The following BRD4 variants were observed in gnomAD, a reference collection of about 807,000 sequenced individuals.
BRD4 encodes the protein bromodomain containing 4, also known as bromodomain-containing protein 4.
A neutral mutation model predicts 142.1 loss-of-function variants in BRD4; 16 were observed. That is an observed-to-expected ratio of 0.11 (90% CI 0.08 to 0.17). BRD4 has a LOEUF of 0.17. Ranked by LOEUF, BRD4 falls within the 10% of genes least tolerant of loss-of-function variation. BRD4 has a pLI of 1.00. For missense variants in BRD4, 1,424 were observed against 1,810.9 expected, an observed-to-expected ratio of 0.79 and a Z score of 3.88; for synonymous variants, 833 against 707.5, an observed-to-expected ratio of 1.18 and a Z score of -2.82.
chr19:15,329,795 G>A (rs1599538486), intron 1 of BRD4, among the ~76,000 whole-genome samples: 1 of 152,134 alleles, frequency 6.6e-6, no homozygotes. Flanking sequence ...TAAATCTGAA[G>A]TCATTCAATA....
At position 15,239,762 on chromosome 19, in the gene BRD4, C is replaced by T. The variant is rs201100073; in HGVS notation, c.3342G>A (p.Lys1114=). The T allele has an allele frequency of 9.9e-6, 16 of 1,610,904 alleles. No homozygotes were observed. Among genetic ancestry groups the T allele is most frequent in the Non-Finnish European group, 1.3e-5 (15 of 1,179,718 alleles). Residue 1114 remains lysine (K), a synonymous_variant, in exon 16 of 20, where the codon AAG becomes AAA. Coordinates refer to ENST00000679869, the MANE Select transcript of BRD4 (RefSeq NM_001379291.1). The surrounding 1 kb of genome is among the most constrained non-coding windows in gnomAD (Gnocchi z 7.4). ...CGCTGCGGATGATGGGTGAGTGGAT[C>T]TTCTCCTCCTTCACCACCACGAGGG... ...PQPLVVVKEE[K]IHSPIIRSEP... is the part of the protein sequence containing the mutation.
Position 15,265,448 on chromosome 19 carries a change from G to T in BRD4, c.755C>A (p.Pro252Gln). ...TGGGGGTTGTGGCTGGGGGGGCACT[G>T]GCGGGGGCGTCTGCAGTGGCTGGGG... ...VPPQPLQTPP[P>Q]VPPQPQPPPA... Residue 252 changes from proline to glutamine, a missense_variant, in exon 5 of 20, where the codon CCA becomes CAA. Physicochemically the swap from Pro to Gln is moderately conservative, Grantham distance 76. Transcript: ENST00000679869. The T allele has an allele frequency of 6.4e-7, 1 of 1,569,348 alleles. No homozygotes were observed. Among genetic ancestry groups the T allele is most frequent in the South Asian group, 1.2e-5 (1 of 84,054 alleles).
At chr19:15,254,805 C>T (rs1031755747) in intron 10 of BRD4, among the ~76,000 whole-genome samples, 1 of 152,118 alleles carries the variant, frequency 6.6e-6, no homozygotes, top group Admixed American at 6.5e-5. Context: ...TGACACCGAT[C>T]CTCAGAGGAA....
rs199654568 is a variant in BRD4, at chr19:15,268,993, T to G, written c.335A>C (p.Lys112Thr). 6.2e-7 allele frequency: 1 copy of G among 1,614,236 alleles called. No homozygotes were observed. The highest frequency in any genetic ancestry group is 8.5e-7 in the Non-Finnish European group (1 of 1,180,034). The change falls in exon 3 of 20, where the codon AAG becomes ACG. Residue 112 changes from lysine to threonine, a missense_variant. By Grantham distance (78) the Lys-to-Thr change is moderately conservative (BLOSUM62 -1). This residue lies in a region of BRD4 where 55 missense variants were observed against 160.7 expected (regional missense o/e 0.34). Coordinates refer to ENST00000679869, the MANE Select transcript of BRD4 (RefSeq NM_001379291.1). ...KTPMDMGTIK[K>T]RLENNYYWNA... ...CCAGTAATAGTTGTTTTCCAAGCGCTTCTTTATTGTTCCCATATCCATAGG... is the reference window on the plus strand; with the variant it reads ...CCAGTAATAGTTGTTTTCCAAGCGCGTCTTTATTGTTCCCATATCCATAGG...
intron 10 of BRD4, 98 bp downstream of exon 10, chr19:15,255,199 A>AGGG (rs71333363): frequency 2.3e-4 from 249 of 1,070,032 alleles, no homozygotes; most frequent in African/African-American, 2.1e-3. Context: ...GAAAAAAAAA[A>AGGG]GGGGGGGGGC....
intron 1 of BRD4, among the ~76,000 whole-genome samples, chr19:15,320,045 G>C (rs993120368): frequency 6.6e-6 from 1 of 152,128 alleles, no homozygotes; most frequent in African/African-American, 2.4e-5. Context: ...CTGGTCTTTA[G>C]AGTTCAATGT....
chr19:15,283,811 C>G (rs2047722006), intron 1 of BRD4, among the ~76,000 whole-genome samples: 1 of 152,170 alleles, frequency 6.6e-6, no homozygotes, highest in African/African-American at 2.4e-5. Flanking sequence ...TCAAGGTGTC[C>G]CTGGAACCTG....
intron 1 of BRD4, among the ~76,000 whole-genome samples, chr19:15,276,949 G>A (rs921445123): frequency 3.3e-5 from 5 of 152,214 alleles, no homozygotes; most frequent in Non-Finnish European, 5.9e-5. Context: ...AGAAGGGACA[G>A]AGAATGAGAC....
chr19:15,331,536 G>A (rs1436796195), intron 1 of BRD4, among the ~76,000 whole-genome samples: 1 of 152,186 alleles, frequency 6.6e-6, no homozygotes. Context: ...TGCGTCAAGC[G>A]GGCCAAGCTC....
chr19:15,239,080 C>A lies in BRD4; in HGVS notation c.3761G>T (p.Arg1254Leu). 2 of 1,601,212 alleles carry A rather than the reference C, an allele frequency of 1.2e-6. No homozygotes were observed. Among genetic ancestry groups the A allele is most frequent in the Admixed American group, 1.7e-5 (1 of 59,664 alleles). ...QAEHAEKEKE[R>L]LRQERMRSRE... ...CCACCTCATGCGCTCCTGCCGCAGC[C>A]GCTCCTTCTCCTTCTCAGCGTGCTC... Residue 1254 changes from arginine to leucine, a missense_variant, in exon 18 of 20, where the codon CGG becomes CTG. Arg to Leu is a moderately radical substitution (Grantham distance 102, BLOSUM62 -2). Coordinates refer to ENST00000679869, the MANE Select transcript of BRD4 (RefSeq NM_001379291.1). This position sits in a 1 kb window ranked among gnomAD's most constrained non-coding sequence, Gnocchi z 7.4.
At chr19:15,298,758 A>AC (rs1435686480) in intron 1 of BRD4, among the ~76,000 whole-genome samples, 14 of 152,054 alleles carry the variant, frequency 9.2e-5, no homozygotes, top group Non-Finnish European at 1.9e-4. Context: ...AGCCAAAATT[A>AC]TAACAATCTA....
chr19:15,325,750 C>A (rs1474927290), intron 1 of BRD4, among the ~76,000 whole-genome samples: 3 of 151,942 alleles, frequency 2.0e-5, no homozygotes, highest in Non-Finnish European at 4.4e-5. Flanking sequence ...TATAATCCCA[C>A]CACTTTGGGA....
intron 1 of BRD4, among the ~76,000 whole-genome samples, chr19:15,276,684 T>C (rs2047650408): frequency 6.6e-6 from 1 of 152,142 alleles, no homozygotes; most frequent in South Asian, 2.1e-4. Flanking sequence ...GGCTTCCAGC[T>C]CAATCTCAAA....
intron 1 of BRD4, among the ~76,000 whole-genome samples, chr19:15,312,713 A>G (rs1292031799): frequency 6.6e-6 from 1 of 151,802 alleles, no homozygotes; most frequent in African/African-American, 2.4e-5. Flanking sequence ...AGGTAGGTGA[A>G]CCACCTGAGG....
chr19:15,240,063 G>T, intron 14 of BRD4, 41 bp from the exon 15 acceptor site: 1 of 1,572,244 alleles, frequency 6.4e-7, no homozygotes, highest in Non-Finnish European at 8.6e-7. Flanking sequence ...GGCTGGCTTA[G>T]AACTGCTGGC....
chr19:15,255,697 C>A, intron 9 of BRD4, 105 bp from the exon 10 acceptor site: 1 of 1,367,112 alleles, frequency 7.3e-7, no homozygotes, highest in South Asian at 1.4e-5. Context: ...CTTCCCATAC[C>A]CCCCACCCAC....
chr19:15,314,794 C>T (rs934873539), intron 1 of BRD4, among the ~76,000 whole-genome samples: 1 of 152,230 alleles, frequency 6.6e-6, no homozygotes, highest in Non-Finnish European at 1.5e-5. Flanking sequence ...AGCTGCAGAA[C>T]AGTCCCAACA....
At chr19:15,254,935 G>T (rs573013736) in intron 10 of BRD4, among the ~76,000 whole-genome samples, 1 of 152,278 alleles carries the variant, frequency 6.6e-6, no homozygotes, top group East Asian at 1.9e-4. Flanking sequence ...GCTGCATAAC[G>T]TATCGGTACA....
chr19:15,237,249 G>GT lies in BRD4; in HGVS notation c.*1127_*1128insA, dbSNP rs906632095. On this transcript the variant is annotated 3_prime_UTR_variant, in exon 20 of 20. Coordinates refer to ENST00000679869, the MANE Select transcript of BRD4 (RefSeq NM_001379291.1). ...ACAAAAAAGCCAACAAATGGGTGGG[G>GT]GGGGGGGGGGTGGAGGGGAAAGAAA... The GT allele has an allele frequency of 8.2e-6, 1 of 121,404 alleles. No individual in the cohort carries two copies. The highest frequency in any genetic ancestry group is 1.6e-5 in the Non-Finnish European group (1 of 60,776). 7.5% of individuals were successfully genotyped at this position (121,404 alleles called of 1,614,324 possible). A position where few individuals can be genotyped will look rare whatever the true frequency, so the allele number is the denominator to read the frequency against.
Sources: gnomAD v4.1 joint callset for allele counts (sites outside exome capture counted in the v4.1 genomes callset) on GRCh38, gnomAD v4.1.1 for gene constraint, gnomAD v4.1.1 regional missense constraint, Gnocchi (gnomAD v3.1) non-coding constraint, MANE v1.5 for transcripts, NCBI Gene and HGNC (gene_info 2026-07-23, HGNC 2026-07-21) for gene names.